Variants in TDRP observed in about 807,000 individuals in gnomAD.
TDRP encodes testis development-related protein.
A neutral mutation model predicts 10.5 loss-of-function variants in TDRP; 12 were observed. The ratio of observed to expected loss-of-function variants is 1.15; its 90% CI spans 0.73 to 1.86. The LOEUF (loss-of-function observed/expected upper bound fraction) is 1.86, where lower values mean the gene tolerates loss of function less well. TDRP is among the 40% of genes most tolerant of loss of function. The probability of loss-of-function intolerance (pLI) is 0.00; values close to 1 mark genes in which losing one functional copy is unlikely to be tolerated. For missense variants in TDRP, 353 were observed against 229.2 expected, an observed-to-expected ratio of 1.54 and a Z score of -3.49; for synonymous variants, 139 against 95.4, an observed-to-expected ratio of 1.46 and a Z score of -2.67.
intron 1 of TDRP, among the ~76,000 whole-genome samples, chr8:509,470 G>C (rs1801553268): frequency 6.6e-6 from 1 of 152,206 alleles, no homozygotes; most frequent in African/African-American, 2.4e-5. Context: ...ACACCAAGTG[G>C]AAGCAGCCAA....
intron 1 of TDRP, among the ~76,000 whole-genome samples, chr8:542,390 G>C (rs1029830170): frequency 6.6e-6 from 1 of 152,070 alleles, no homozygotes; most frequent in African/African-American, 2.4e-5. Context: ...CCATGAGCCC[G>C]TGTAGGTCCA....
intron 1 of TDRP, among the ~76,000 whole-genome samples, chr8:523,976 T>C (rs1367884644): frequency 6.6e-6 from 1 of 152,164 alleles, no homozygotes; most frequent in African/African-American, 2.4e-5. Context: ...AGGCAGTGGT[T>C]ATAGCAGGGC....
Position 544,834 on chromosome 8 carries a change from T to C in TDRP, c.-77A>G, listed in dbSNP as rs1302550602. Reference sequence around the variant, plus strand: ...CGTCCCTCCCGGCCGCCGGACGCTCTGCCTGCGGCTCCTGCGGGACGCGGG... The same window carrying C: ...CGTCCCTCCCGGCCGCCGGACGCTCCGCCTGCGGCTCCTGCGGGACGCGGG... On this transcript the variant is annotated 5_prime_UTR_variant, in exon 1 of 3. Coordinates refer to ENST00000324079, the MANE Select transcript of TDRP (RefSeq NM_001384899.1). 5.6e-6 allele frequency: 6 copies of C among 1,072,294 alleles called. No individual in the cohort carries two copies. Among genetic ancestry groups the C allele is most frequent in the African/African-American group, 3.3e-5 (2 of 60,952 alleles). 66.4% of individuals were successfully genotyped at this position (1,072,294 alleles called of 1,614,324 possible).
At chr8:532,058 G>C (rs1185881999) in intron 1 of TDRP, among the ~76,000 whole-genome samples, 1 of 152,200 alleles carries the variant, frequency 6.6e-6, no homozygotes, top group Non-Finnish European at 1.5e-5. Context: ...CAGGAGAACA[G>C]TTAGGTGTTC....
At chr8:495,560 C>T (rs543766738) in intron 1 of TDRP, among the ~76,000 whole-genome samples, 13 of 152,252 alleles carry the variant, frequency 8.5e-5, no homozygotes, top group African/African-American at 2.2e-4. Context: ...TCTGAAAATC[C>T]GGCGTGTGTC....
intron 2 of TDRP, among the ~76,000 whole-genome samples, chr8:493,336 C>CCT (rs753903278): frequency 6.6e-5 from 10 of 152,344 alleles, no homozygotes; most frequent in Admixed American, 5.9e-4. Flanking sequence ...GTGCCCAGGC[C>CCT]CTCTCCTTCC....
intron 1 of TDRP, among the ~76,000 whole-genome samples, chr8:506,458 G>T (rs1056726765): frequency 1.3e-5 from 2 of 152,120 alleles, no homozygotes; most frequent in African/African-American, 4.8e-5. Flanking sequence ...GCTGCCTGTG[G>T]CTGACACTAA....
At chr8:531,795 A>G (rs770820837) in intron 1 of TDRP, among the ~76,000 whole-genome samples, 4 of 152,334 alleles carry the variant, frequency 2.6e-5, no homozygotes, top group Middle Eastern at 6.8e-3. Context: ...CCACAGCCAA[A>G]TATCTGGCAA....
chr8:535,334 A>G (rs1802316988), intron 1 of TDRP, among the ~76,000 whole-genome samples: 1 of 152,092 alleles, frequency 6.6e-6, no homozygotes, highest in Admixed American at 6.5e-5. Context: ...CTTCCCTCAC[A>G]GCAACCCCCA....
chr8:538,008 G>A (rs1233469281), intron 1 of TDRP, among the ~76,000 whole-genome samples: 1 of 152,124 alleles, frequency 6.6e-6, no homozygotes, highest in African/African-American at 2.4e-5. Context: ...TTGGGAAGAG[G>A]TTTTGTTTTT....
chr8:494,706 G>C, intron 1 of TDRP, 109 bp from the exon 2 acceptor site: 5 of 931,848 alleles, frequency 5.4e-6, no homozygotes, highest in Non-Finnish European at 6.6e-6. Context: ...AATTGGCAGA[G>C]CTTACATCTT....
intron 1 of TDRP, among the ~76,000 whole-genome samples, chr8:521,358 A>G (rs1023940376): frequency 2.0e-5 from 3 of 151,890 alleles, no homozygotes; most frequent in African/African-American, 7.3e-5. Context: ...CGGGGCTTAC[A>G]GTGAGCCGAG....
chr8:530,759 G>A (rs373144711), intron 1 of TDRP, among the ~76,000 whole-genome samples: 2 of 152,098 alleles, frequency 1.3e-5, no homozygotes, highest in South Asian at 2.1e-4. Context: ...TTCTCTCAGC[G>A]CTCTGAGTCA....
chr8:502,019 G>C (rs983798501), intron 1 of TDRP, among the ~76,000 whole-genome samples: 1 of 152,176 alleles, frequency 6.6e-6, no homozygotes, highest in East Asian at 1.9e-4. Flanking sequence ...GAGGACTCTG[G>C]GAAGAGTGAA....
chr8:502,923 C>A (rs73175024), intron 1 of TDRP, among the ~76,000 whole-genome samples: 2 of 143,346 alleles, frequency 1.4e-5, no homozygotes, highest in Admixed American at 7.0e-5. Context: ...CACCTCAGCA[C>A]GTGTCAACAT....
intron 1 of TDRP, among the ~76,000 whole-genome samples, chr8:513,691 A>T (rs1365712538): frequency 1.3e-5 from 2 of 152,256 alleles, no homozygotes; most frequent in Non-Finnish European, 2.9e-5. Context: ...TACAGAAAGG[A>T]AACAAAATGA....
chr8:507,947 T>C (rs1801509599), intron 1 of TDRP, among the ~76,000 whole-genome samples: 1 of 152,220 alleles, frequency 6.6e-6, no homozygotes, highest in Non-Finnish European at 1.5e-5. Flanking sequence ...TAAAGTGTCC[T>C]GTTTCAACAG....
At chr8:527,307 G>A (rs1276600761) in intron 1 of TDRP, among the ~76,000 whole-genome samples, 1 of 152,098 alleles carries the variant, frequency 6.6e-6, no homozygotes, top group East Asian at 1.9e-4. Context: ...TCATGGACTG[G>A]AAGAGTCACT....
intron 1 of TDRP, among the ~76,000 whole-genome samples, chr8:525,874 T>C (rs1041749361): frequency 1.3e-5 from 2 of 152,130 alleles, no homozygotes; most frequent in South Asian, 2.1e-4. Context: ...TTGAGTACAA[T>C]TGCTATTAGT....
Sources: allele counts gnomAD v4.1 joint callset (sites outside exome capture counted in the v4.1 genomes callset), GRCh38; gene constraint gnomAD v4.1.1; transcripts MANE v1.5; gene names NCBI Gene and HGNC (gene_info 2026-07-23, HGNC 2026-07-21).